Variants in VRK3 observed in about 807,000 individuals in gnomAD.
The protein encoded by VRK3 is VRK serine/threonine kinase 3.
VRK3 carries 50 observed loss-of-function variants against 60.4 expected under a neutral mutation model. The ratio of observed to expected loss-of-function variants is 0.83; its 90% CI spans 0.66 to 1.05. The LOEUF is 1.05. VRK3 is among the 50% of genes least tolerant of loss of function. The probability of loss-of-function intolerance (pLI) is 0.00; values close to 1 mark genes in which losing one functional copy is unlikely to be tolerated. For synonymous variants in VRK3, 246 were observed against 227.8 expected (o/e 1.08, Z -0.72); for missense variants, 549 against 585.3 (o/e 0.94, Z 0.64).
chr19:49,997,352 T>C, intron 7 of VRK3, 152 bp downstream of exon 7: 1 of 717,536 alleles, frequency 1.4e-6, no homozygotes. Flanking sequence ...GCCTGAGGGG[T>C]CACAGGAGTC....
At chr19:50,010,087 C>A (rs1038397573) in intron 3 of VRK3, among the ~76,000 whole-genome samples, 2 of 151,806 alleles carry the variant, frequency 1.3e-5, no homozygotes, top group African/African-American at 2.4e-5. Flanking sequence ...TACACACATA[C>A]AATGATTGTG....
At chr19:49,995,599 C>T (rs569980371) in intron 7 of VRK3, among the ~76,000 whole-genome samples, 4 of 149,512 alleles carry the variant, frequency 2.7e-5, no homozygotes, top group South Asian at 2.1e-4. Context: ...AAGATCAACA[C>T]GTGTCTAACC....
intron 12 of VRK3, chr19:49,986,415 C>T (rs1189663148): frequency 4.6e-5 from 7 of 153,180 alleles, no homozygotes; most frequent in Non-Finnish European, 7.3e-5. Flanking sequence ...GCAGTGAACT[C>T]GGTCCACATG....
chr19:50,004,238 G>C (rs10411985), intron 5 of VRK3, among the ~76,000 whole-genome samples: 7,932 of 152,002 alleles, frequency 0.052, 679 homozygotes, highest in African/African-American at 0.18. Context: ...AGGAGCTCCT[G>C]GCTCTGTGTG....
rs2122202830 is a variant in VRK3 at position 49,997,494 on chromosome 19, T to C, written c.679+10A>G. 2.5e-6 allele frequency: 4 copies of C among 1,613,036 alleles called. No homozygotes were observed. Among genetic ancestry groups the C allele is most frequent in the Non-Finnish European group, 3.4e-6 (4 of 1,179,712 alleles). On this transcript the variant is annotated intron_variant, in intron 7 of 14. Coordinates refer to ENST00000316763, the MANE Select transcript of VRK3 (RefSeq NM_016440.4). Reference sequence around the variant, plus strand: ...ACTCTCCCCTCCTTGCCCAGTTCCCTGTCAGGTACCTTGCAGAGGCTTGGC... The same window carrying C: ...ACTCTCCCCTCCTTGCCCAGTTCCCCGTCAGGTACCTTGCAGAGGCTTGGC...
Position 49,992,874 on chromosome 19 carries a change from C to T in VRK3, c.949G>A (p.Glu317Lys), listed in dbSNP as rs758066244. 25 of 1,613,998 alleles carry T rather than the reference C, an allele frequency of 1.5e-5. No individual in the cohort carries two copies. Among genetic ancestry groups the T allele is most frequent in the East Asian group, 2.2e-5 (1 of 44,898 alleles). The change falls in exon 10 of 15, where the codon GAG becomes AAG. Residue 317 changes from glutamate to lysine, a missense_variant. Transcript: ENST00000316763. ...CTGGCTCTTACCTGACTCTGGTCCT[C>T]TGGATCCACAAAGATATTTTCAGCT... ...VTAENIFVDP[E>K]DQSQVTLAGY...
rs2076726782 is a variant in VRK3, at chr19:49,997,529, G to A, written c.654C>T (p.Phe218=). 2 of 1,613,984 alleles carry A rather than the reference G, an allele frequency of 1.2e-6. No homozygotes were observed. The highest frequency in any genetic ancestry group is 2.7e-5 in the African/African-American group (2 of 75,048). The change falls in exon 7 of 15, where the codon TTC becomes TTT. Residue 218 remains phenylalanine, a synonymous_variant. Transcript: ENST00000316763. ...CTTGCAGAGGCTTGGCGGCCCGCTG[G>A]AAGAAGTTCTGCTCATTGAACAAGC... The part of the protein sequence containing the change: ...DGRLFNEQNF[F]QRAAKPLQVN...
At chr19:50,008,562 C>T (rs776618602) in intron 4 of VRK3, among the ~76,000 whole-genome samples, 5 of 152,166 alleles carry the variant, frequency 3.3e-5, no homozygotes, top group Non-Finnish European at 4.4e-5. Flanking sequence ...TCAGGCCTCC[C>T]GTGTCCTGGG....
intron 8 of VRK3, 46 bp downstream of exon 8, chr19:49,995,145 A>T: frequency 6.3e-7 from 1 of 1,590,688 alleles, no homozygotes; most frequent in Non-Finnish European, 8.6e-7. Context: ...CAACAGGAAG[A>T]AGAGGAAAGA....
At chr19:49,993,091 C>T in intron 9 of VRK3, 139 bp from the exon 10 acceptor site, 1 of 691,304 alleles carries the variant, frequency 1.4e-6, no homozygotes, top group East Asian at 2.7e-5. Flanking sequence ...CTGACTAAAT[C>T]CGGGGTAGCA....
intron 5 of VRK3, among the ~76,000 whole-genome samples, chr19:50,005,289 G>T (rs991393322): frequency 4.0e-5 from 6 of 149,184 alleles, no homozygotes; most frequent in African/African-American, 1.6e-4. Context: ...CAGCTGTCCT[G>T]CCCACCTGCC....
intron 10 of VRK3, among the ~76,000 whole-genome samples, chr19:49,991,807 C>A (rs569333435): frequency 6.6e-6 from 1 of 152,214 alleles, no homozygotes. Context: ...GGTTTGAGCT[C>A]CTGGATCCTG....
intron 2 of VRK3, among the ~76,000 whole-genome samples, chr19:50,019,727 A>G (rs2077140445): frequency 2.3e-5 from 2 of 86,306 alleles, no homozygotes; most frequent in African/African-American, 4.7e-5. Flanking sequence ...TTTTGTAGAG[A>G]TGGGGTCTTG....
chr19:50,009,842 T>G (rs184497800), intron 3 of VRK3, among the ~76,000 whole-genome samples: 27 of 152,276 alleles, frequency 1.8e-4, no homozygotes, highest in African/African-American at 6.0e-4. Flanking sequence ...GGTTTCACCA[T>G]GTTGGCCAGA....
chr19:49,980,007 G>C (rs927715314), intron 13 of VRK3, among the ~76,000 whole-genome samples: 5 of 151,892 alleles, frequency 3.3e-5, no homozygotes. Flanking sequence ...CCAAGATCAC[G>C]CCACCGCACT....
At chr19:49,991,180 G>T (rs2076605059) in intron 10 of VRK3, among the ~76,000 whole-genome samples, 1 of 152,158 alleles carries the variant, frequency 6.6e-6, no homozygotes, top group African/African-American at 2.4e-5. Context: ...GTCTATGAGG[G>T]TGTTCTGGAT....
chr19:49,997,300 G>T, intron 7 of VRK3: 1 of 503,046 alleles, frequency 2.0e-6, no homozygotes, highest in East Asian at 3.4e-5. Flanking sequence ...TTAATACTTG[G>T]CTTCCAAGAG....
intron 14 of VRK3, among the ~76,000 whole-genome samples, chr19:49,978,033 CAG>C (rs1333257611): frequency 6.6e-6 from 1 of 152,170 alleles, no homozygotes; most frequent in Admixed American, 6.5e-5. Flanking sequence ...CGCCGGGAGA[CAG>C]GCCGTCAAAA....
chr19:50,002,300 G>T (rs1032637195), intron 5 of VRK3, among the ~76,000 whole-genome samples: 5 of 151,282 alleles, frequency 3.3e-5, no homozygotes, highest in African/African-American at 1.2e-4. Context: ...ACAGGGTTGG[G>T]AGCCAGCTCT....
Sources: gnomAD v4.1 joint callset for allele counts (sites outside exome capture counted in the v4.1 genomes callset) on GRCh38, gnomAD v4.1.1 for gene constraint, MANE v1.5 for transcripts, NCBI Gene and HGNC (gene_info 2026-07-23, HGNC 2026-07-21) for gene names.